Variants in TMEM59 observed in about 807,000 individuals in gnomAD.
TMEM59 encodes the protein dendritic cell factor 1.
TMEM59 carries 44 observed loss-of-function variants against 42.2 expected under a neutral mutation model. The ratio of observed to expected loss-of-function variants is 1.04; its 90% CI spans 0.82 to 1.34. TMEM59 has a LOEUF of 1.34. Ranked by LOEUF, TMEM59 falls within the 40% of genes most tolerant of loss-of-function variation. The pLI is 0.00. For missense variants in TMEM59, 359 were observed against 382.8 expected, an observed-to-expected ratio of 0.94 and a Z score of 0.52; for synonymous variants, 148 against 145.8, an observed-to-expected ratio of 1.02 and a Z score of -0.11.
intron 4 of TMEM59, among the ~76,000 whole-genome samples, chr1:54,042,649 T>C (rs1657179565): frequency 6.6e-6 from 1 of 152,188 alleles, no homozygotes; most frequent in Non-Finnish European, 1.5e-5. Context: ...ATAAACTCTG[T>C]TGACTGGTAA....
At chr1:54,053,403 T>G, upstream of TMEM59, 1 of 597,644 alleles carries the variant, frequency 1.7e-6, no homozygotes, top group Non-Finnish European at 2.9e-6. Context: ...AGGAGGGGAA[T>G]TCAACCATCG....
intron 6 of TMEM59, among the ~76,000 whole-genome samples, chr1:54,040,440 A>G (rs1386881407): frequency 6.6e-6 from 1 of 152,222 alleles, no homozygotes; most frequent in Non-Finnish European, 1.5e-5. Context: ...GGCATGAGCC[A>G]CTGTGCCCGG....
chr1:54,045,189 T>C (rs1311851189), intron 3 of TMEM59, among the ~76,000 whole-genome samples: 1 of 152,122 alleles, frequency 6.6e-6, no homozygotes, highest in Non-Finnish European at 1.5e-5. Flanking sequence ...AATCTATATG[T>C]AATTGGGAGC....
At chr1:54,050,861 AT>A (rs1056117064) in intron 1 of TMEM59, among the ~76,000 whole-genome samples, 1 of 136,302 alleles carries the variant, frequency 7.3e-6, no homozygotes, top group Non-Finnish European at 1.6e-5. Context: ...CGCGCCCGGC[AT>A]TTTTTTATTT....
At chr1:54,033,465 G>A (rs928235325) in intron 7 of TMEM59, 2 of 151,804 alleles carry the variant, frequency 1.3e-5, no homozygotes, top group African/African-American at 4.8e-5. Flanking sequence ...AGCCAGGCAT[G>A]GTGGTACATG....
At chr1:54,046,073 C>A (rs545595219) in intron 2 of TMEM59, among the ~76,000 whole-genome samples, 1 of 152,280 alleles carries the variant, frequency 6.6e-6, no homozygotes, top group Non-Finnish European at 1.5e-5. Context: ...GGAAAATGCA[C>A]TGGATTGGCA....
chr1:54,026,948 G>T lies in TMEM59; in HGVS notation c.*5202C>A, dbSNP rs2100283177. On this transcript the variant is annotated 3_prime_UTR_variant, in exon 8 of 8. Transcript: ENST00000234831. ...CAGTAAAATAAGCCCAAATAATTGA[G>T]AATTGAACAAGAAAACAAAATAATT... The T allele has an allele frequency of 6.6e-6, 1 of 152,184 alleles. No individual in the cohort carries two copies. 9.4% of individuals were successfully genotyped at this position (152,184 alleles called of 1,614,324 possible).
chr1:54,053,470 G>A, upstream of TMEM59: 1 of 448,226 alleles, frequency 2.2e-6, no homozygotes, highest in Non-Finnish European at 4.1e-6. Context: ...GGCAGGCTGG[G>A]GCATGTAGTT....
intron 3 of TMEM59, chr1:54,044,486 T>A (rs1302080410): frequency 6.6e-6 from 1 of 151,240 alleles, no homozygotes; most frequent in Non-Finnish European, 1.5e-5. Flanking sequence ...GCTTTGGTTC[T>A]GCTTTGTTTC....
intron 4 of TMEM59, 40 bp from the exon 5 acceptor site, chr1:54,041,845 T>A: frequency 5.9e-6 from 9 of 1,524,974 alleles, no homozygotes; most frequent in Non-Finnish European, 7.2e-6. Flanking sequence ...TTTGTACTTC[T>A]TTAGCTTTTT....
chr1:54,028,695 C>G lies in TMEM59; in HGVS notation c.*3455G>C, dbSNP rs1375169324. On this transcript the variant is annotated 3_prime_UTR_variant, in exon 8 of 8. Coordinates refer to ENST00000234831, the MANE Select transcript of TMEM59 (RefSeq NM_004872.5). Reference sequence around the variant, plus strand: ...GTTTAAGCTTGGCTATCACTTTCTCCCAGAAGTCCTCCTGTGTGCTCCCAT... The same window carrying G: ...GTTTAAGCTTGGCTATCACTTTCTCGCAGAAGTCCTCCTGTGTGCTCCCAT... The G allele has an allele frequency of 2.0e-5, 3 of 152,472 alleles. No homozygotes were observed. Among genetic ancestry groups the G allele is most frequent in the Admixed American group, 6.5e-5 (1 of 15,268 alleles). The allele number at this position is 152,472 out of a possible 1,614,324, so 9.4% of individuals were successfully genotyped here.
intron 6 of TMEM59, among the ~76,000 whole-genome samples, chr1:54,039,497 G>A (rs913122002): frequency 6.6e-6 from 1 of 152,114 alleles, no homozygotes; most frequent in Non-Finnish European, 1.5e-5. Context: ...ATGAACGAAG[G>A]ATAAAATTTA....
Position 54,032,095 on chromosome 1 carries a change from T to C in TMEM59, c.*55A>G. The C allele has an allele frequency of 1.3e-6, 2 of 1,517,614 alleles. No homozygotes were observed. Among genetic ancestry groups the C allele is most frequent in the Middle Eastern group, 2.3e-4 (1 of 4,436 alleles). The allele number at this position is 1,517,614 out of a possible 1,614,324, so 94.0% of individuals were successfully genotyped here. ...TCCAATGAAACCATTTTAAAAGCTC[T>C]ATGAGGAGTGGAATTTTAGATGTCT... is the stretch of plus-strand genomic sequence containing the variant. On this transcript the variant is annotated 3_prime_UTR_variant, in exon 8 of 8. Coordinates refer to ENST00000234831, the MANE Select transcript of TMEM59 (RefSeq NM_004872.5).
At chr1:54,047,843 C>T (rs1657396095) in intron 1 of TMEM59, 1 of 170,948 alleles carries the variant, frequency 5.8e-6, no homozygotes, top group Non-Finnish European at 1.2e-5. Context: ...GTAGTGCACA[C>T]TTGTTGTCCT....
intron 1 of TMEM59, among the ~76,000 whole-genome samples, chr1:54,052,224 C>T (rs372430908): frequency 1.3e-5 from 2 of 152,038 alleles, no homozygotes; most frequent in African/African-American, 4.8e-5. Flanking sequence ...GAAAAACCAA[C>T]GTGAAGAGGG....
intron 1 of TMEM59, among the ~76,000 whole-genome samples, chr1:54,049,843 G>C (rs967731960): frequency 3.3e-5 from 5 of 152,062 alleles, no homozygotes; most frequent in African/African-American, 1.2e-4. Flanking sequence ...TAAATAAATA[G>C]AAGTTAAGTG....
At position 54,036,596 on chromosome 1, in the gene TMEM59, A is replaced by G; in HGVS notation, c.816+14T>C. 1 of 1,516,704 alleles carries G rather than the reference A, an allele frequency of 6.6e-7. No individual in the cohort carries two copies. The highest frequency in any genetic ancestry group is 8.8e-7 in the Non-Finnish European group (1 of 1,131,666). The allele number at this position is 1,516,704 out of a possible 1,614,324, so 94.0% of individuals were successfully genotyped here. The stretch of plus-strand genomic sequence containing the variant: ...CACAGGGCTCAGTCTTCAAATGGTA[A>G]GAATTAAATTTACCTCAGAGGGAAC... On this transcript the variant is annotated intron_variant, in intron 7 of 7. Transcript: ENST00000234831.
At chr1:54,040,020 A>G (rs1657084763) in intron 6 of TMEM59, among the ~76,000 whole-genome samples, 1 of 152,180 alleles carries the variant, frequency 6.6e-6, no homozygotes, top group Non-Finnish European at 1.5e-5. Flanking sequence ...CATAGAGCTG[A>G]TATTCCTTAG....
rs570773025 is a variant in TMEM59 at position 54,049,576 on chromosome 1, A to G, written c.190-2204T>C. 3.9e-5 allele frequency among the ~76,000 whole-genome samples: 6 copies of G among 152,284 alleles called. No homozygotes were observed. The South Asian group carries it at 1.2e-3, about 32-fold the overall frequency. On this transcript the variant is annotated intron_variant, in intron 1 of 7. Coordinates refer to ENST00000234831, the MANE Select transcript of TMEM59 (RefSeq NM_004872.5). ...AATATTTCATGCCCTATGTATCCCA[A>G]ATGACTGGCAAGTTTATATAACATG...
Sources: gnomAD v4.1 joint callset for allele counts (sites outside exome capture counted in the v4.1 genomes callset) on GRCh38, gnomAD v4.1.1 for gene constraint, MANE v1.5 for transcripts, NCBI Gene and HGNC (gene_info 2026-07-23, HGNC 2026-07-21) for gene names.